AGAP6: variants seen among roughly 807,000 people sequenced by gnomAD.
AGAP6 encodes arf-GAP with GTPase, ANK repeat and PH domain-containing protein 6.
A neutral mutation model predicts 63.9 loss-of-function variants in AGAP6; 29 were observed. The ratio of observed to expected loss-of-function variants is 0.45; its 90% confidence interval spans 0.34 to 0.62. The LOEUF (loss-of-function observed/expected upper bound fraction) is 0.62. Among genes scored for constraint, AGAP6 ranks in the 20% least tolerant of loss-of-function variants. The pLI, the probability that AGAP6 is intolerant of heterozygous loss-of-function variation, is 0.01. For synonymous variants in AGAP6, 199 were observed against 332.9 expected, an observed-to-expected ratio of 0.60 and a Z score of 4.38; for missense variants, 493 against 884.9, an observed-to-expected ratio of 0.56 and a Z score of 5.62.
At chr10:50,004,110 G>A (rs1367426997) in intron 5 of AGAP6, among the ~76,000 whole-genome samples, 15 of 151,324 alleles carry the variant, frequency 9.9e-5, no homozygotes, top group Non-Finnish European at 1.9e-4. Context: ...TCTTGAACCC[G>A]GGAGGCAGAG....
intron 4 of AGAP6, among the ~76,000 whole-genome samples, chr10:49,999,614 G>C (rs1198813650): frequency 8.1e-6 from 1 of 122,726 alleles, no homozygotes; most frequent in Non-Finnish European, 1.6e-5. Context: ...GGCCTAGCCA[G>C]AGCAATCACA....
chr10:50,004,156 G>A (rs1554863448), intron 5 of AGAP6, among the ~76,000 whole-genome samples: 3 of 151,518 alleles, frequency 2.0e-5, no homozygotes, highest in African/African-American at 7.3e-5. Context: ...TTGCACTCCA[G>A]CCTGGGCAAC....
chr10:50,007,427 A>C (rs1841953588), intron 6 of AGAP6, among the ~76,000 whole-genome samples: 1 of 94,980 alleles, frequency 1.1e-5, no homozygotes. Context: ...AAGAACAGTT[A>C]TGACCTCTTA....
In AGAP6 at chr10:49,991,732, T is replaced by C. The variant is rs782099733; in HGVS notation, c.349T>C (p.Ser117Pro). The change falls in exon 3 of 8, where the codon TCT becomes CCT. Residue 117 changes from serine (S) to proline (P), a missense_variant. By Grantham distance (74) the Ser-to-Pro change is moderately conservative. Transcript: ENST00000412531. ...PEASTIFQRN[S>P]QTDVVEIRRS... The stretch of plus-strand genomic sequence containing the variant: ...GGCAAGCACAATATTCCAGAGGAAC[T>C]CTCAAACAGATGGTGAGACGACATT... 6.9e-6 allele frequency: 11 copies of C among 1,598,732 alleles called. No individual in the cohort carries two copies. The highest frequency in any genetic ancestry group is 9.3e-6 in the Non-Finnish European group (11 of 1,179,750).
chr10:49,992,419 T>C (rs1354315370), intron 3 of AGAP6, among the ~76,000 whole-genome samples: 1 of 152,024 alleles, frequency 6.6e-6, no homozygotes, highest in East Asian at 1.9e-4. Flanking sequence ...CAAGTGAGGG[T>C]TCTATAATAA....
In AGAP6 at chr10:49,989,336, A is replaced by G. The variant is rs782369274; in HGVS notation, c.252A>G (p.Pro84=). 7 of 1,597,378 alleles carry G rather than the reference A, an allele frequency of 4.4e-6. No homozygotes were observed. The East Asian group carries it at 1.6e-4, about 36-fold the overall frequency. The change falls in exon 2 of 8, where the codon CCA becomes CCG. Residue 84 remains proline, a synonymous_variant. Coordinates refer to ENST00000412531, the MANE Select transcript of AGAP6 (RefSeq NM_001077665.3). ...EALEFNLSAN[P]ESSTIFQRNS... The stretch of plus-strand genomic sequence containing the variant: ...TGGAGTTTAACCTTTCTGCCAATCC[A>G]GAGTCAAGCACAATATTCCAGAGGA...
intron 4 of AGAP6, among the ~76,000 whole-genome samples, chr10:49,996,770 A>C (rs1448906093): frequency 7.0e-6 from 1 of 142,304 alleles, no homozygotes; most frequent in East Asian, 2.1e-4. Flanking sequence ...ATTTTACCCT[A>C]CTTTCCAAAG....
chr10:50,003,148 CATT>C (rs1293188600), intron 5 of AGAP6, among the ~76,000 whole-genome samples: 27 of 140,018 alleles, frequency 1.9e-4, no homozygotes, highest in Admixed American at 1.9e-3. Context: ...CTTTTTTCCT[CATT>C]ATTCTACTTT....
intron 2 of AGAP6, among the ~76,000 whole-genome samples, chr10:49,990,652 C>T (rs1554860664): frequency 6.6e-6 from 1 of 152,152 alleles, no homozygotes; most frequent in African/African-American, 2.4e-5. Flanking sequence ...AACATTGCAT[C>T]ATAAACATAT....
intron 3 of AGAP6, among the ~76,000 whole-genome samples, chr10:49,994,072 T>C (rs1352487364): frequency 6.6e-6 from 1 of 152,142 alleles, no homozygotes; most frequent in Non-Finnish European, 1.5e-5. Context: ...TAATGGATCA[T>C]GGCTCATATA....
chr10:49,995,763 A>T (rs1429181884), intron 4 of AGAP6, among the ~76,000 whole-genome samples: 1 of 152,106 alleles, frequency 6.6e-6, no homozygotes, highest in Non-Finnish European at 1.5e-5. Context: ...CTGGGTGGAG[A>T]TGTTAAAATC....
chr10:50,005,126 A>G (rs1841865975), intron 6 of AGAP6, among the ~76,000 whole-genome samples: 1 of 152,230 alleles, frequency 6.6e-6, no homozygotes, highest in Non-Finnish European at 1.5e-5. Flanking sequence ...CCCATGACCC[A>G]GGTTATAACA....
chr10:49,992,567 A>C (rs1432666923), intron 3 of AGAP6, among the ~76,000 whole-genome samples: 1 of 152,212 alleles, frequency 6.6e-6, no homozygotes, highest in Non-Finnish European at 1.5e-5. Flanking sequence ...GTAAAGAGAT[A>C]CTTAAGGCTG....
In AGAP6 at chr10:50,009,613, C is replaced by A. The variant is rs781862580; in HGVS notation, c.1488C>A (p.Val496=). 1.9e-6 allele frequency: 3 copies of A among 1,613,934 alleles called. No individual in the cohort carries two copies. Among genetic ancestry groups the A allele is most frequent in the South Asian group, 1.1e-5 (1 of 91,072 alleles). The change falls in exon 8 of 8, where the codon GTC becomes GTA. Residue 496 remains valine (V), a synonymous_variant. Coordinates refer to ENST00000412531, the MANE Select transcript of AGAP6 (RefSeq NM_001077665.3). ...NPKWASLNLG[V]LMCIECSGIH... The stretch of plus-strand genomic sequence containing the variant: ...AGTGGGCCAGTTTGAACTTGGGAGT[C>A]CTCATGTGTATTGAATGCTCAGGTA...
chr10:49,989,450 T>C lies in AGAP6; in HGVS notation c.292+74T>C, dbSNP rs1412128576. The C allele has an allele frequency of 2.6e-5, 42 of 1,589,496 alleles. No individual in the cohort carries two copies. In the African/African-American group the frequency reaches 4.6e-4, roughly 17 times the overall value. ...TTTAGGCTTCTTTGAGCTATTCTCT[T>C]CCTTTTCTCAGTAAAAACTCAAATA... On this transcript the variant is annotated intron_variant, in intron 2 of 7. Transcript: ENST00000412531.
At chr10:49,991,414 AG>A (rs1374316063) in intron 2 of AGAP6, among the ~76,000 whole-genome samples, 1 of 111,306 alleles carries the variant, frequency 9.0e-6, no homozygotes, top group East Asian at 2.9e-4. Context: ...TTAATAAAGG[AG>A]GGTGTCATTG....
chr10:49,990,605 T>C (rs1841232283), intron 2 of AGAP6, among the ~76,000 whole-genome samples: 1 of 152,326 alleles, frequency 6.6e-6, no homozygotes, highest in South Asian at 2.1e-4. Flanking sequence ...GGTAATAATA[T>C]GGTTCTTGAA....
rs782310286 is a variant in AGAP6, at chr10:49,988,935, G to C, written c.220G>C (p.Glu74Gln). 4.2e-5 allele frequency: 67 copies of C among 1,601,544 alleles called. 2 individuals carry two copies. The East Asian group carries it at 8.5e-4, about 20-fold the overall frequency. Residue 74 changes from glutamate (E) to glutamine (Q), a missense_variant, in exon 1 of 8, where the codon GAA (glutamate) becomes CAA (glutamine). This residue lies in a region of AGAP6 where 342 missense variants were observed against 533.4 expected (regional missense o/e 0.64). Transcript: ENST00000412531. ...MHHVRDREMP[E>Q]ALEFNLSANP... Reference sequence around the variant, plus strand: ...CCACGTTCGTGACCGGGAGATGCCTGAAGGTGAGGAGGTGATAGGTGCCAT... The same window carrying C: ...CCACGTTCGTGACCGGGAGATGCCTCAAGGTGAGGAGGTGATAGGTGCCAT...
At chr10:50,007,796 C>A (rs1312967153) in intron 6 of AGAP6, among the ~76,000 whole-genome samples, 3 of 151,922 alleles carry the variant, frequency 2.0e-5, no homozygotes, top group African/African-American at 7.3e-5. Context: ...TCAATACTCA[C>A]GGGCATTTCT....
Sources: allele counts gnomAD v4.1 joint callset (sites outside exome capture counted in the v4.1 genomes callset), GRCh38; gene constraint gnomAD v4.1.1; regional missense constraint gnomAD v4.1.1; transcripts MANE v1.5; gene names NCBI Gene and HGNC (gene_info 2026-07-23, HGNC 2026-07-21).